Variants in VPS8 observed in about 807,000 individuals in gnomAD.
The protein encoded by VPS8 is vacuolar protein sorting-associated protein 8 homolog.
In VPS8, 129 loss-of-function variants were observed where a neutral mutation model predicts 216.4. The ratio of observed to expected loss-of-function variants is 0.60; its 90% CI spans 0.52 to 0.69. VPS8 has a LOEUF of 0.69. VPS8 is among the 30% of genes least tolerant of loss of function. The pLI is 0.00. For synonymous variants in VPS8, 571 were observed against 565.4 expected (o/e 1.01, Z -0.14); for missense variants, 1,531 against 1,683.5 (o/e 0.91, Z 1.59).
At chr3:185,023,870 C>T (rs1160322457) in intron 45 of VPS8, among the ~76,000 whole-genome samples, 1 of 152,096 alleles carries the variant, frequency 6.6e-6, no homozygotes, top group African/African-American at 2.4e-5. Context: ...ATCTTTTCTT[C>T]CTTGGACTAA....
intron 1 of VPS8, among the ~76,000 whole-genome samples, chr3:184,823,800 T>G (rs1718131654): frequency 1.3e-5 from 2 of 152,228 alleles, no homozygotes; most frequent in African/African-American, 4.8e-5. Flanking sequence ...GTTTTGCAAG[T>G]AAACCAAATT....
Position 184,930,494 on chromosome 3 carries a change from AAT to A in VPS8, c.2827_2828del (p.Ile943LeufsTer23), listed in dbSNP as rs778880402. 2 of 1,613,086 alleles carry A rather than the reference AAT, an allele frequency of 1.2e-6. No individual in the cohort carries two copies. The highest frequency in any genetic ancestry group is 2.2e-5 in the South Asian group (2 of 91,014). ...GGAAGAAGTCTTTAATTACATTCAC[AAT>A]ATCTTATCCATTCCCGGACACAGTG... Reference protein sequence around the residue: ...REEEVFNYIHNILSIPGHSAE... With the variant: ...REEEVFNYIHXILSIPGHSAE... On this transcript the variant is annotated frameshift_variant, in exon 34 of 48. Transcript: ENST00000625842. LOFTEE classifies it high-confidence loss of function.
chr3:184,859,777 G>C (rs975692243), intron 14 of VPS8, among the ~76,000 whole-genome samples: 1 of 152,078 alleles, frequency 6.6e-6, no homozygotes, highest in Non-Finnish European at 1.5e-5. Flanking sequence ...ACCACCCCCA[G>C]ATATGCCCTG....
At chr3:184,942,379 C>T (rs1229613178) in intron 36 of VPS8, among the ~76,000 whole-genome samples, 1 of 152,162 alleles carries the variant, frequency 6.6e-6, no homozygotes, top group Non-Finnish European at 1.5e-5. Flanking sequence ...ACCTCTCACA[C>T]ATTATTCCTT....
Position 184,832,693 on chromosome 3 carries a change from A to T in VPS8, c.227A>T (p.Asp76Val). The change falls in exon 4 of 48, where the codon GAT (aspartate) becomes GTT (valine). Residue 76 changes from aspartate to valine, a missense_variant. By Grantham distance (152) the Asp-to-Val change is radical. This residue lies in a region of VPS8 where 199 missense variants were observed against 182.2 expected (regional missense o/e 1.09). Coordinates refer to ENST00000625842, the MANE Select transcript of VPS8 (RefSeq NM_001009921.3). ...PTLESILNET[D>V]DEDESFILED... ...ATTTATCTTCTTCCAATTTAGACTGATGATGAAGATGAGTCTTTTATTCTT... is the reference window on the plus strand; with the variant it reads ...ATTTATCTTCTTCCAATTTAGACTGTTGATGAAGATGAGTCTTTTATTCTT... The T allele has an allele frequency of 6.3e-7, 1 of 1,597,096 alleles. No individual in the cohort carries two copies. The highest frequency in any genetic ancestry group is 8.5e-7 in the Non-Finnish European group (1 of 1,170,488).
chr3:184,922,679 A>G (rs1179047116), intron 29 of VPS8, among the ~76,000 whole-genome samples: 1 of 152,134 alleles, frequency 6.6e-6, no homozygotes. Flanking sequence ...CTAGTGCTAG[A>G]GATGTGCTAA....
chr3:184,979,995 C>T (rs1179389948), intron 40 of VPS8, among the ~76,000 whole-genome samples: 3 of 152,006 alleles, frequency 2.0e-5, no homozygotes, highest in Non-Finnish European at 2.9e-5. Context: ...CTGGTGGTAA[C>T]GAATTTCCTT....
At chr3:184,987,560 A>G (rs1460419589) in intron 42 of VPS8, among the ~76,000 whole-genome samples, 1 of 152,092 alleles carries the variant, frequency 6.6e-6, no homozygotes, top group South Asian at 2.1e-4. Context: ...TGGGGGCTTG[A>G]TAGTTCATTT....
At position 184,894,893 on chromosome 3, in the gene VPS8, C is replaced by T; in HGVS notation, c.1972C>T (p.His658Tyr). 2 of 1,607,852 alleles carry T rather than the reference C, an allele frequency of 1.2e-6. No homozygotes were observed. The highest frequency in any genetic ancestry group is 1.7e-6 in the Non-Finnish European group (2 of 1,177,490). ...LMENVEALIV[H>Y]MDITSLDIQQ... ...GGAAAATGTGGAAGCGCTCATTGTA[C>T]ATATGGATATCACCAGCCTAGATAT... The change falls in exon 23 of 48, where the codon CAT becomes TAT. Residue 658 changes from histidine to tyrosine, a missense_variant. This residue lies in a region of VPS8 where 1,318 missense variants were observed against 1,468.4 expected (regional missense o/e 0.90). Coordinates refer to ENST00000625842, the MANE Select transcript of VPS8 (RefSeq NM_001009921.3).
intron 25 of VPS8, among the ~76,000 whole-genome samples, chr3:184,906,879 T>C (rs987493141): frequency 1.3e-5 from 2 of 152,222 alleles, no homozygotes; most frequent in African/African-American, 4.8e-5. Flanking sequence ...AATTGTGTTT[T>C]CTTTGGAGGG....
At chr3:184,849,871 G>A (rs1723922847) in intron 9 of VPS8, 65 bp from the exon 10 acceptor site, 2 of 1,191,662 alleles carry the variant, frequency 1.7e-6, no homozygotes, top group Non-Finnish European at 2.5e-6. Context: ...CAGCCAGAAG[G>A]CAGGATACTT....
At chr3:184,923,203 C>A (rs901003058) in intron 29 of VPS8, among the ~76,000 whole-genome samples, 2 of 151,968 alleles carry the variant, frequency 1.3e-5, no homozygotes, top group Non-Finnish European at 1.5e-5. Flanking sequence ...GGGTGCTATA[C>A]CCTGATTTGT....
chr3:184,941,124 C>T (rs1475817515), intron 36 of VPS8, among the ~76,000 whole-genome samples: 1 of 150,708 alleles, frequency 6.6e-6, no homozygotes, highest in Non-Finnish European at 1.5e-5. Context: ...TTGAAAACAA[C>T]TATTTACTTA....
intron 45 of VPS8, among the ~76,000 whole-genome samples, chr3:185,009,892 G>A (rs1265226062): frequency 6.6e-6 from 1 of 150,956 alleles, no homozygotes; most frequent in African/African-American, 2.4e-5. Context: ...GCCATACAGA[G>A]GGCTCCATAG....
intron 22 of VPS8, among the ~76,000 whole-genome samples, chr3:184,891,596 C>T (rs1445611870): frequency 6.6e-6 from 1 of 152,106 alleles, no homozygotes; most frequent in Non-Finnish European, 1.5e-5. Flanking sequence ...TTAGTGTATT[C>T]ACAGCTGTGT....
At chr3:185,027,230 ATGTTCTTTTTTTTTTTTTTTTT>A (rs1221381567) in intron 46 of VPS8, among the ~76,000 whole-genome samples, 2 of 107,866 alleles carry the variant, frequency 1.9e-5, no homozygotes, top group Non-Finnish European at 3.9e-5. Flanking sequence ...TGCAGTTTTT[ATGTTCTTTTTTTTTTTTTTTTT>A]TTTTTTTTGA....
intron 1 of VPS8, among the ~76,000 whole-genome samples, chr3:184,822,088 A>C (rs544143840): frequency 1.3e-5 from 2 of 152,296 alleles, no homozygotes; most frequent in South Asian, 4.1e-4. Flanking sequence ...AAGGTAAACA[A>C]ATTAACCAAG....
chr3:184,837,202 T>C (rs1399012155), intron 5 of VPS8, among the ~76,000 whole-genome samples: 3 of 144,608 alleles, frequency 2.1e-5, no homozygotes, highest in Non-Finnish European at 4.5e-5. Context: ...CAATGCTTCC[T>C]AATATCTGTG....
At chr3:184,938,345 T>C (rs993161878) in intron 35 of VPS8, among the ~76,000 whole-genome samples, 1 of 152,284 alleles carries the variant, frequency 6.6e-6, no homozygotes, top group Admixed American at 6.5e-5. Flanking sequence ...TACAAAAACA[T>C]GTAAGTGTGA....
Sources: gnomAD v4.1 joint callset for allele counts (sites outside exome capture counted in the v4.1 genomes callset) on GRCh38, gnomAD v4.1.1 for gene constraint, gnomAD v4.1.1 regional missense constraint, MANE v1.5 for transcripts, NCBI Gene and HGNC (gene_info 2026-07-23, HGNC 2026-07-21) for gene names.